The following TUSC3 variants were observed in gnomAD, a reference collection of about 807,000 sequenced individuals.
The protein encoded by TUSC3 is tumor suppressor candidate 3.
TUSC3 carries 45 observed loss-of-function variants against 44.8 expected under a neutral mutation model. The ratio of observed to expected loss-of-function variants is 1.00; its 90% CI spans 0.79 to 1.29. The LOEUF is 1.29. TUSC3 is among the 50% of genes most tolerant of loss of function. The pLI is 0.00. For synonymous variants in TUSC3, 212 were observed against 152.9 expected, an observed-to-expected ratio of 1.39 and a Z score of -2.85; for missense variants, 519 against 437.9, an observed-to-expected ratio of 1.19 and a Z score of -1.65.
intron 6 of TUSC3, chr8:15,688,806 A>C (rs1808759248): frequency 6.5e-6 from 1 of 153,482 alleles, no homozygotes; most frequent in African/African-American, 2.4e-5. Context: ...AAACACAAAA[A>C]AGTTTGGTCC....
chr8:15,748,486 T>G, intron 9 of TUSC3, 21 bp downstream of exon 9: 1 of 1,531,412 alleles, frequency 6.5e-7, no homozygotes, highest in Non-Finnish European at 9.0e-7. Context: ...TATACTAACA[T>G]GAATGTTTTT....
chr8:15,777,291 G>C, the TUSC3 span, among the ~76,000 whole-genome samples: 1 of 152,116 alleles, frequency 6.6e-6, no homozygotes, highest in African/African-American at 2.4e-5. Flanking sequence ...GCTGGGAGGG[G>C]TTACCAAGCT....
At chr8:15,486,953 G>A (rs1450217714) in intron 2 of TUSC3, among the ~76,000 whole-genome samples, 3 of 152,154 alleles carry the variant, frequency 2.0e-5, no homozygotes, top group South Asian at 2.1e-4. Flanking sequence ...TAATATAACC[G>A]TTAGTTGATT....
the TUSC3 span, among the ~76,000 whole-genome samples, chr8:15,789,769 T>C: frequency 1.4e-4 from 21 of 152,128 alleles, no homozygotes; most frequent in Non-Finnish European, 2.5e-4. Context: ...AGGACAGATA[T>C]AGACCCTGCT....
chr8:15,728,305 A>G (rs972388369), intron 6 of TUSC3, among the ~76,000 whole-genome samples: 6 of 151,958 alleles, frequency 3.9e-5, no homozygotes, highest in African/African-American at 1.5e-4. Context: ...TAGGCAAGAG[A>G]TGATGAGTGG....
chr8:15,781,597 A>G, the TUSC3 span, among the ~76,000 whole-genome samples: 1 of 151,738 alleles, frequency 6.6e-6, no homozygotes, highest in Admixed American at 6.6e-5. Flanking sequence ...TCAGAAAGAA[A>G]AAAAGAAAAT....
At chr8:15,489,775 C>T (rs995251457) in intron 2 of TUSC3, among the ~76,000 whole-genome samples, 4 of 152,216 alleles carry the variant, frequency 2.6e-5, no homozygotes, top group Non-Finnish European at 1.5e-5. Flanking sequence ...CTGACCCTCT[C>T]TTCCCATCGT....
chr8:15,843,232 T>C, the TUSC3 span, among the ~76,000 whole-genome samples: 1 of 152,176 alleles, frequency 6.6e-6, no homozygotes, highest in Non-Finnish European at 1.5e-5. Flanking sequence ...ATTAGTTAAT[T>C]GTATTCATTG....
At chr8:15,726,635 A>G (rs561330378) in intron 6 of TUSC3, among the ~76,000 whole-genome samples, 2 of 152,062 alleles carry the variant, frequency 1.3e-5, no homozygotes, top group Admixed American at 6.6e-5. Context: ...GTGAAACCCT[A>G]TCTCTACTAA....
intron 1 of TUSC3, among the ~76,000 whole-genome samples, chr8:15,566,052 T>C (rs963693455): frequency 6.6e-6 from 1 of 152,160 alleles, no homozygotes; most frequent in African/African-American, 2.4e-5. Flanking sequence ...TAGTACATTT[T>C]CCTTGTTTTT....
At chr8:15,445,338 T>C (rs1166103238) in intron 1 of TUSC3, among the ~76,000 whole-genome samples, 1 of 152,120 alleles carries the variant, frequency 6.6e-6, no homozygotes, top group Non-Finnish European at 1.5e-5. Flanking sequence ...TTAGTATTTA[T>C]TGATCATTAT....
At chr8:15,716,180 C>T (rs777758008) in intron 6 of TUSC3, among the ~76,000 whole-genome samples, 5 of 152,106 alleles carry the variant, frequency 3.3e-5, no homozygotes, top group Admixed American at 6.6e-5. Flanking sequence ...CACTTGAGCC[C>T]AGTAGGTGGA....
intron 1 of TUSC3, among the ~76,000 whole-genome samples, chr8:15,436,777 C>T (rs1305651472): frequency 1.3e-5 from 2 of 152,178 alleles, no homozygotes; most frequent in African/African-American, 2.4e-5. Flanking sequence ...ACCTCATTCA[C>T]AGCTGTAAGA....
chr8:15,419,710 T>C (rs758812630), intron 1 of TUSC3, among the ~76,000 whole-genome samples: 1 of 152,226 alleles, frequency 6.6e-6, no homozygotes, highest in Non-Finnish European at 1.5e-5. Context: ...AGAGTATCTC[T>C]ATGACTTTAT....
At chr8:15,623,718 A>G (rs1191422302) in intron 2 of TUSC3, among the ~76,000 whole-genome samples, 1 of 152,162 alleles carries the variant, frequency 6.6e-6, no homozygotes, top group Non-Finnish European at 1.5e-5. Flanking sequence ...AAATTAAAGA[A>G]AACTTTGGAC....
In TUSC3 at chr8:15,677,678, T is replaced by G. The variant is rs150334226; in HGVS notation, c.798+3842T>G. On this transcript the variant is annotated intron_variant, in intron 6 of 10. Transcript: ENST00000503731. ...ACAAAACTGGTAGATAGCAGTGCCA[T>G]AAGGCAAAGAGGGAAGGTGGTGTCA... 2.6e-3 allele frequency among the ~76,000 whole-genome samples: 395 copies of G among 152,268 alleles called. 3 individuals carry two copies. Among genetic ancestry groups the G allele is most frequent in the Middle Eastern group, 0.024 (7 of 294 alleles).
At chr8:15,752,313 A>G (rs923693669) in intron 9 of TUSC3, among the ~76,000 whole-genome samples, 1 of 151,458 alleles carries the variant, frequency 6.6e-6, no homozygotes, top group Non-Finnish European at 1.5e-5. Flanking sequence ...TCTGAGGATT[A>G]TGAGTATACT....
At chr8:15,690,322 C>G (rs936735882) in intron 6 of TUSC3, among the ~76,000 whole-genome samples, 1 of 150,616 alleles carries the variant, frequency 6.6e-6, no homozygotes, top group African/African-American at 2.4e-5. Flanking sequence ...TGAAAAGTGT[C>G]GGTTCATGTC....
In TUSC3 at chr8:15,514,988, A is replaced by G. The variant is rs77707924; in HGVS notation, n.189+31505A>G. Among the ~76,000 whole-genome samples the G allele has an allele frequency of 2.2e-4, 33 of 152,316 alleles. No individual in the cohort carries two copies. In the East Asian group the frequency reaches 2.3e-3, roughly 11 times the overall value. On this transcript the variant is annotated intron_variant and non_coding_transcript_variant, in intron 2 of 5. Transcript: ENST00000503191. ...TATAGAGAATACTCCATAAATGACA[A>G]TAGTGTTTAATTTTGGTTGGAGAAT...
Sources: gnomAD v4.1 joint callset for allele counts (sites outside exome capture counted in the v4.1 genomes callset) on GRCh38, gnomAD v4.1.1 for gene constraint, MANE v1.5 for transcripts, NCBI Gene and HGNC (gene_info 2026-07-23, HGNC 2026-07-21) for gene names.